SOX5: variants seen among roughly 807,000 people sequenced by gnomAD.
The protein encoded by SOX5 is SRY-box transcription factor 5.
SOX5 carries 9 observed loss-of-function variants against 92.0 expected under a neutral mutation model. The observed-to-expected ratio is 0.10, with a 90% CI of 0.06 to 0.17. The LOEUF (loss-of-function observed/expected upper bound fraction) is 0.17, where lower values mean the gene tolerates loss of function less well. SOX5 is among the 10% of genes least tolerant of loss of function. The pLI, the probability that SOX5 is intolerant of heterozygous loss-of-function variation, is 1.00. For synonymous variants in SOX5, 344 were observed against 336.3 expected, an observed-to-expected ratio of 1.02 and a Z score of -0.25; for missense variants, 642 against 944.5, an observed-to-expected ratio of 0.68 and a Z score of 4.20.
chr12:24,209,814 C>A (rs895630365), intron 4 of SOX5, among the ~76,000 whole-genome samples: 21 of 151,466 alleles, frequency 1.4e-4, no homozygotes, highest in African/African-American at 5.1e-4. Context: ...GTCAGGAGAT[C>A]GAGACCATCC....
chr12:24,244,467 C>T (rs1179730393), intron 3 of SOX5, among the ~76,000 whole-genome samples: 3 of 152,204 alleles, frequency 2.0e-5, no homozygotes, highest in Non-Finnish European at 4.4e-5. Context: ...CTGGAAAATT[C>T]TTTCCCCACT....
chr12:23,599,275 G>A (rs1255313423), intron 9 of SOX5, among the ~76,000 whole-genome samples: 2 of 152,228 alleles, frequency 1.3e-5, no homozygotes, highest in South Asian at 2.1e-4. Flanking sequence ...GCAGCTCAAA[G>A]AATCTGATTG....
intron 1 of SOX5, among the ~76,000 whole-genome samples, chr12:24,491,578 G>A (rs118061440): frequency 0.015 from 2,323 of 152,130 alleles, 35 homozygotes; most frequent in Non-Finnish European, 0.023. Flanking sequence ...GTCCTTTGAA[G>A]TACAGAGGTA....
chr12:24,246,495 A>G (rs532217663), intron 3 of SOX5, among the ~76,000 whole-genome samples: 1 of 152,142 alleles, frequency 6.6e-6, no homozygotes, highest in African/African-American at 2.4e-5. Context: ...TCATGTTATC[A>G]ACTTTTTTTT....
chr12:23,917,425 T>G (rs1277244660), intron 1 of SOX5, among the ~76,000 whole-genome samples: 1 of 152,026 alleles, frequency 6.6e-6, no homozygotes, highest in Non-Finnish European at 1.5e-5. Flanking sequence ...TGGTGGCTCA[T>G]GCCTTTAATT....
At chr12:24,505,460 T>C (rs193012947) in intron 1 of SOX5, among the ~76,000 whole-genome samples, 128 of 152,336 alleles carry the variant, frequency 8.4e-4, no homozygotes, top group Middle Eastern at 3.4e-3. Context: ...TAAGAGCCAG[T>C]ATGTGTTATG....
chr12:24,290,627 G>C (rs1946510351), intron 2 of SOX5, among the ~76,000 whole-genome samples: 1 of 152,024 alleles, frequency 6.6e-6, no homozygotes, highest in Non-Finnish European at 1.5e-5. Flanking sequence ...TTCCTTTTCT[G>C]CCTCCCCACC....
intron 4 of SOX5, among the ~76,000 whole-genome samples, chr12:24,041,291 T>C (rs80174079): frequency 2.2e-3 from 329 of 152,328 alleles, no homozygotes; most frequent in African/African-American, 7.6e-3. Context: ...TAGATATTCA[T>C]ATAGTTTCAG....
chr12:23,670,099 G>A (rs1303746365), intron 6 of SOX5, among the ~76,000 whole-genome samples: 1 of 152,152 alleles, frequency 6.6e-6, no homozygotes, highest in South Asian at 2.1e-4. Flanking sequence ...ATAAAATCAT[G>A]AAGAGTATGG....
chr12:24,447,768 A>G (rs1446727888), intron 1 of SOX5, among the ~76,000 whole-genome samples: 1 of 152,220 alleles, frequency 6.6e-6, no homozygotes, highest in Non-Finnish European at 1.5e-5. Context: ...ATTGCTTCCC[A>G]TCAACAGAAG....
intron 7 of SOX5, among the ~76,000 whole-genome samples, chr12:23,664,381 A>C (rs916241803): frequency 2.0e-5 from 3 of 149,138 alleles, no homozygotes; most frequent in Non-Finnish European, 4.5e-5. Context: ...CTGTGTAATT[A>C]TCTAAAATAA....
intron 4 of SOX5, among the ~76,000 whole-genome samples, chr12:24,177,611 CTT>C (rs1436071553): frequency 2.6e-5 from 4 of 152,170 alleles, no homozygotes. Flanking sequence ...GTACTCAACT[CTT>C]TCTCCCATAA....
intron 1 of SOX5, among the ~76,000 whole-genome samples, chr12:24,391,539 G>T (rs952971328): frequency 2.0e-5 from 3 of 152,110 alleles, no homozygotes; most frequent in Non-Finnish European, 4.4e-5. Context: ...GCTTGATAGA[G>T]ATATACTAAT....
chr12:23,896,695 T>C (rs889649356), intron 1 of SOX5, among the ~76,000 whole-genome samples: 44 of 113,634 alleles, frequency 3.9e-4, no homozygotes, highest in Non-Finnish European at 7.1e-4. Context: ...TTAGTTATAA[T>C]AACAAAGTTG....
At chr12:23,861,241 C>A (rs1229442945) in intron 2 of SOX5, among the ~76,000 whole-genome samples, 2 of 151,932 alleles carry the variant, frequency 1.3e-5, no homozygotes, top group East Asian at 1.9e-4. Context: ...AAAATCCCTG[C>A]CACATAAATG....
intron 4 of SOX5, among the ~76,000 whole-genome samples, chr12:24,081,080 G>C (rs2137601766): frequency 6.6e-6 from 1 of 152,040 alleles, no homozygotes; most frequent in South Asian, 2.1e-4. Context: ...ATGATATCAA[G>C]AGAAATCACA....
chr12:23,533,715 A>T lies in SOX5; in HGVS notation c.*504T>A, dbSNP rs1028075130. 1 of 152,536 alleles carries T rather than the reference A, an allele frequency of 6.6e-6. No individual in the cohort carries two copies. The highest frequency in any genetic ancestry group is 1.9e-4 in the East Asian group (1 of 5,188). The allele number at this position is 152,536 out of a possible 1,614,324, so 9.4% of individuals were successfully genotyped here. On this transcript the variant is annotated 3_prime_UTR_variant, in exon 15 of 15. Transcript: ENST00000451604. ...TTCTTTTTTTTCTGTCAGGTGCATT[A>T]CAAAGAAAAAAAATGAAAGGAAAGA...
At chr12:24,130,224 C>A (rs1221618415) in intron 4 of SOX5, among the ~76,000 whole-genome samples, 2 of 152,148 alleles carry the variant, frequency 1.3e-5, no homozygotes, top group Non-Finnish European at 2.9e-5. Flanking sequence ...AATGAAGGAC[C>A]TAATACATTC....
At chr12:23,887,273 A>G (rs2097077959) in intron 2 of SOX5, among the ~76,000 whole-genome samples, 1 of 152,176 alleles carries the variant, frequency 6.6e-6, no homozygotes, top group African/African-American at 2.4e-5. Flanking sequence ...CTTCCTTTCT[A>G]ATAATGGCTC....
Sources: gnomAD v4.1 joint callset for allele counts (sites outside exome capture counted in the v4.1 genomes callset) on GRCh38, gnomAD v4.1.1 for gene constraint, MANE v1.5 for transcripts, NCBI Gene and HGNC (gene_info 2026-07-23, HGNC 2026-07-21) for gene names.